PCDHGA3: variants seen among roughly 807,000 people sequenced by gnomAD.
PCDHGA3 encodes the protein protocadherin gamma subfamily A, 3.
Under a neutral mutation model 58.5 loss-of-function variants are expected in PCDHGA3, and 40 were observed. That is an observed-to-expected ratio of 0.68 (90% CI 0.53 to 0.89). The LOEUF is 0.89. Ranked by LOEUF, PCDHGA3 falls within the 40% of genes least tolerant of loss-of-function variation. The pLI, the probability that PCDHGA3 is intolerant of heterozygous loss-of-function variation, is 0.00. For missense variants in PCDHGA3, 1,223 were observed against 1,195.9 expected, an observed-to-expected ratio of 1.02 and a Z score of -0.33; for synonymous variants, 530 against 525.7, an observed-to-expected ratio of 1.01 and a Z score of -0.11.
chr5:141,395,084 C>A (rs757269551), intron 1 of PCDHGA3: 1 of 1,614,190 alleles, frequency 6.2e-7, no homozygotes, highest in South Asian at 1.1e-5. Flanking sequence ...CCCAGGAAGT[C>A]TCCCTCACCG....
At chr5:141,360,116 G>A in intron 1 of PCDHGA3, 1 of 1,570,542 alleles carries the variant, frequency 6.4e-7, no homozygotes, top group South Asian at 1.2e-5. Flanking sequence ...TATGGGCAAA[G>A]GAGCAAAGGG....
intron 1 of PCDHGA3, among the ~76,000 whole-genome samples, chr5:141,459,109 C>A (rs1213203625): frequency 6.6e-6 from 1 of 152,174 alleles, no homozygotes; most frequent in Non-Finnish European, 1.5e-5. Context: ...TGCATTTTGA[C>A]AATTGTTTAC....
At position 141,511,211 on chromosome 5, in the gene PCDHGA3, C is replaced by G; in HGVS notation, c.*38C>G. ...GCCAAGAGCCACAGGGCGGCCTCTC[C>G]CCAACCAGCCCAGCTTCTCCTTACC... On this transcript the variant is annotated 3_prime_UTR_variant, in exon 4 of 4. Transcript: ENST00000253812. The G allele has an allele frequency of 6.2e-7, 1 of 1,608,626 alleles. No individual in the cohort carries two copies. The highest frequency in any genetic ancestry group is 8.5e-7 in the Non-Finnish European group (1 of 1,177,476).
At chr5:141,374,607 AT>A in intron 1 of PCDHGA3, 5 of 1,613,660 alleles carry the variant, frequency 3.1e-6, no homozygotes, top group Non-Finnish European at 4.2e-6. Flanking sequence ...CTCAGTGGTA[AT>A]AGTCACTTCT....
chr5:141,409,056 C>T, intron 1 of PCDHGA3: 2 of 1,613,926 alleles, frequency 1.2e-6, no homozygotes, highest in South Asian at 1.1e-5. Context: ...CGAAGCACTG[C>T]CCAGAGCACA....
chr5:141,372,172 C>T (rs1474578874), intron 1 of PCDHGA3: 17 of 1,613,604 alleles, frequency 1.1e-5, no homozygotes, highest in African/African-American at 4.0e-5. Context: ...AAGGTGGTGG[C>T]GGTGGACGCA....
chr5:141,408,660 C>A, intron 1 of PCDHGA3: 3 of 1,613,980 alleles, frequency 1.9e-6, no homozygotes, highest in Non-Finnish European at 1.7e-6. Flanking sequence ...ACACGACTAT[C>A]GCTTGACCCT....
intron 2 of PCDHGA3, among the ~76,000 whole-genome samples, chr5:141,500,023 G>C (rs1393994881): frequency 1.3e-5 from 2 of 151,754 alleles, no homozygotes; most frequent in Admixed American, 6.6e-5. Flanking sequence ...TTTTATATTT[G>C]AGTGAGTGTC....
chr5:141,464,843 A>G lies in PCDHGA3; in HGVS notation c.2425-29964A>G, dbSNP rs183890796. On this transcript the variant is annotated intron_variant, in intron 1 of 3. Coordinates refer to ENST00000253812, the MANE Select transcript of PCDHGA3 (RefSeq NM_018916.4). Reference sequence around the variant, plus strand: ...AGCCTCGCACTCCTGGGCTCAAGCAATCCTCCTACCTTAGCCTCCCAAGTA... The same window carrying G: ...AGCCTCGCACTCCTGGGCTCAAGCAGTCCTCCTACCTTAGCCTCCCAAGTA... 1.5e-3 allele frequency among the ~76,000 whole-genome samples: 231 copies of G among 152,234 alleles called. 1 individual carries two copies. Among genetic ancestry groups the G allele is most frequent in the Non-Finnish European group, 2.3e-3 (159 of 68,018 alleles).
At chr5:141,392,127 A>G (rs2092470129) in intron 1 of PCDHGA3, 1 of 152,236 alleles carries the variant, frequency 6.6e-6, no homozygotes, top group Admixed American at 6.5e-5. Flanking sequence ...AGCTTGTAAA[A>G]TGATTAAGTA....
At chr5:141,365,503 T>G (rs755169931) in intron 1 of PCDHGA3, 1 of 1,613,948 alleles carries the variant, frequency 6.2e-7, no homozygotes, top group Non-Finnish European at 8.5e-7. Flanking sequence ...GGAATTTGCC[T>G]TTTAAATTGG....
rs1475572413 is a variant in PCDHGA3, at chr5:141,432,843, T to G, written c.2425-61964T>G. The G allele has an allele frequency of 6.2e-7, 1 of 1,614,066 alleles. No homozygotes were observed. The highest frequency in any genetic ancestry group is 8.5e-7 in the Non-Finnish European group (1 of 1,180,020). ...TCAGACCTCACTCTGTACCTGGTGGTAGCGGTGGCCGCGGTCTCCTGCGTC... is the reference window on the plus strand; with the variant it reads ...TCAGACCTCACTCTGTACCTGGTGGGAGCGGTGGCCGCGGTCTCCTGCGTC... On this transcript the variant is annotated intron_variant, in intron 1 of 3. Coordinates refer to ENST00000253812, the MANE Select transcript of PCDHGA3 (RefSeq NM_018916.4). This position sits in a 1 kb window ranked among gnomAD's most constrained non-coding sequence, Gnocchi z 6.0.
At chr5:141,427,599 C>G (rs1233253295) in intron 1 of PCDHGA3, 1 of 682,980 alleles carries the variant, frequency 1.5e-6, no homozygotes, top group African/African-American at 1.8e-5. Flanking sequence ...CCTCACCCTA[C>G]GCATTGGTGA....
At chr5:141,441,886 A>C (rs2098281968) in intron 1 of PCDHGA3, 1 of 345,040 alleles carries the variant, frequency 2.9e-6, no homozygotes, top group Non-Finnish European at 5.6e-6. Flanking sequence ...CCTGGTCACC[A>C]AGGTGGTGGC....
chr5:141,428,029 C>G, intron 1 of PCDHGA3: 2 of 1,607,160 alleles, frequency 1.2e-6, no homozygotes, highest in Non-Finnish European at 1.7e-6. Flanking sequence ...GCCGCAGAGT[C>G]CGGCTACCTG....
At chr5:141,379,106 T>C (rs1181116789) in intron 1 of PCDHGA3, 3 of 152,192 alleles carry the variant, frequency 2.0e-5, no homozygotes, top group Non-Finnish European at 4.4e-5. Context: ...AAAAAAGCAA[T>C]TGAGAAGATA....
intron 1 of PCDHGA3, chr5:141,414,687 T>G: frequency 1.2e-6 from 2 of 1,614,004 alleles, no homozygotes; most frequent in East Asian, 4.5e-5. Flanking sequence ...AGGGGGTACC[T>G]CTGTCCTCAT....
chr5:141,392,822 T>C (rs1234169256), intron 1 of PCDHGA3: 1 of 1,595,210 alleles, frequency 6.3e-7, no homozygotes, highest in East Asian at 2.2e-5. Context: ...CAATGGCCGC[T>C]CCACAGAGTC....
chr5:141,396,935 C>T (rs545100008), intron 1 of PCDHGA3, among the ~76,000 whole-genome samples: 1 of 152,240 alleles, frequency 6.6e-6, no homozygotes, highest in South Asian at 2.1e-4. Flanking sequence ...ATGAAAGTTG[C>T]CCTGGTAGGA....
Sources: allele counts gnomAD v4.1 joint callset (sites outside exome capture counted in the v4.1 genomes callset), GRCh38; gene constraint gnomAD v4.1.1; non-coding constraint Gnocchi (gnomAD v3.1); transcripts MANE v1.5; gene names NCBI Gene and HGNC (gene_info 2026-07-23, HGNC 2026-07-21).